The following KCNQ1OT1 variants were observed in gnomAD, a reference collection of about 807,000 sequenced individuals.
KCNQ1OT1 encodes the protein KCNQ1 opposite strand/antisense transcript 1, also known as KCNQ1 antisense RNA 2 (non-protein coding).
chr11:2,622,511 G>T (rs1849191116), exon 1 of KCNQ1OT1: 1 of 398,366 alleles, frequency 2.5e-6, no homozygotes, highest in Middle Eastern at 6.3e-4. Context: ...GCCAACCTCT[G>T]CTTTTTGGAG....
exon 1 of KCNQ1OT1, chr11:2,649,481 A>T (rs1402016399): frequency 5.0e-6 from 2 of 398,446 alleles, no homozygotes; most frequent in Admixed American, 8.8e-5. Context: ...GTAGTAATGA[A>T]TTCCCTCAGT....
exon 1 of KCNQ1OT1, chr11:2,639,773 C>G (rs922051635): frequency 6.6e-6 from 1 of 152,422 alleles, no homozygotes; most frequent in Non-Finnish European, 1.5e-5. Context: ...GCAGAGGTTT[C>G]TGCTGCCTTT....
exon 1 of KCNQ1OT1, chr11:2,614,171 C>A: frequency 5.0e-6 from 2 of 398,536 alleles, no homozygotes; most frequent in Non-Finnish European, 8.8e-6. Context: ...GAATCTACCC[C>A]CAAGAGGTGA....
exon 1 of KCNQ1OT1, chr11:2,689,877 C>T: frequency 5.0e-6 from 2 of 398,816 alleles, no homozygotes; most frequent in Non-Finnish European, 8.8e-6. Context: ...GCCTATCCAG[C>T]CCCATCCCTG....
At chr11:2,686,906 C>T in exon 1 of KCNQ1OT1, 1 of 398,688 alleles carries the variant, frequency 2.5e-6, no homozygotes, top group Non-Finnish European at 4.4e-6. Flanking sequence ...TAGAGGCAAC[C>T]CAATCCAGGT....
rs1849686400 is a variant in KCNQ1OT1, at chr11:2,647,623, A to C, written n.52372T>G. The stretch of plus-strand genomic sequence containing the variant: ...TAGAATTCAGTAGAAAACCCGTGCA[A>C]TCCTGAGGTTTTCTTTACTGGGAGA... On this transcript the variant is annotated non_coding_transcript_exon_variant, in exon 1 of 1. Coordinates refer to ENST00000597346, the Ensembl canonical transcript of KCNQ1OT1. This position sits in a 1 kb window ranked among gnomAD's most constrained non-coding sequence, Gnocchi z 4.0. 5.0e-6 allele frequency: 2 copies of C among 398,376 alleles called. No individual in the cohort carries two copies. The highest frequency in any genetic ancestry group is 8.8e-6 in the Non-Finnish European group (2 of 226,036). 24.7% of individuals were successfully genotyped at this position (398,376 alleles called of 1,614,324 possible). A position where few individuals can be genotyped will look rare whatever the true frequency, so the allele number is the denominator to read the frequency against.
chr11:2,640,861 CCTT>C, exon 1 of KCNQ1OT1: 1 of 399,594 alleles, frequency 2.5e-6, no homozygotes, highest in South Asian at 1.3e-4. Flanking sequence ...TGGTATCTAT[CCTT>C]CTACTCTCTA....
chr11:2,633,015 C>T, exon 1 of KCNQ1OT1: 1 of 398,488 alleles, frequency 2.5e-6, no homozygotes. Context: ...TAATGACTCA[C>T]TAATTTATAG....
exon 1 of KCNQ1OT1, chr11:2,688,263 G>T: frequency 2.5e-6 from 1 of 398,686 alleles, no homozygotes; most frequent in South Asian, 1.3e-4. Flanking sequence ...AGAGGGAGGC[G>T]CCATGACCTC....
chr11:2,642,136 T>G lies in KCNQ1OT1; in HGVS notation n.57859A>C. 2.5e-6 allele frequency: 1 copy of G among 398,440 alleles called. No homozygotes were observed. The highest frequency in any genetic ancestry group is 3.6e-5 in the East Asian group (1 of 28,038). The allele number at this position is 398,440 out of a possible 1,614,324, so 24.7% of individuals were successfully genotyped here. On this transcript the variant is annotated non_coding_transcript_exon_variant, in exon 1 of 1. Coordinates refer to ENST00000597346, the Ensembl canonical transcript of KCNQ1OT1. The surrounding 1 kb of genome is among the most constrained non-coding windows in gnomAD (Gnocchi z 4.3). ...TTTGGTTCCATCTGAATTTTAGGATTTTTTCTATTTCCATGAAAAATGGCA... is the reference window on the plus strand; with the variant it reads ...TTTGGTTCCATCTGAATTTTAGGATGTTTTCTATTTCCATGAAAAATGGCA...
At chr11:2,637,202 G>A (rs1389435491) in exon 1 of KCNQ1OT1, 2 of 151,982 alleles carry the variant, frequency 1.3e-5, no homozygotes, top group Non-Finnish European at 2.9e-5. Context: ...TCTGATCTTA[G>A]TTATTTCTTG....
exon 1 of KCNQ1OT1, chr11:2,643,108 G>T (rs1849605361): frequency 5.0e-6 from 2 of 398,052 alleles, no homozygotes; most frequent in Non-Finnish European, 8.9e-6. Context: ...AGTGTTCCAT[G>T]TACTGATGAG....
exon 1 of KCNQ1OT1, chr11:2,614,022 T>C: frequency 2.5e-6 from 1 of 398,646 alleles, no homozygotes; most frequent in Non-Finnish European, 4.4e-6. Flanking sequence ...AGTTGCATAG[T>C]ATTCCTTAGT....
In KCNQ1OT1 at chr11:2,678,116, T is replaced by C. The variant is rs1850325416; in HGVS notation, n.21879A>G. 5.0e-6 allele frequency: 2 copies of C among 398,312 alleles called. No individual in the cohort carries two copies. The highest frequency in any genetic ancestry group is 8.9e-6 in the Non-Finnish European group (2 of 225,976). 24.7% of individuals were successfully genotyped at this position (398,312 alleles called of 1,614,324 possible). ...GTAGAAACTTGCTTTGTCATATTCA[T>C]TGAAAATATTTTATCCTCATTTTCC... On this transcript the variant is annotated non_coding_transcript_exon_variant, in exon 1 of 1. Transcript: ENST00000597346. The surrounding 1 kb of genome is among the most constrained non-coding windows in gnomAD (Gnocchi z 4.9).
Position 2,645,966 on chromosome 11 carries a change from T to C in KCNQ1OT1, n.54029A>G, listed in dbSNP as rs1849659501. ...AAGGCATCTATGGGTCAGGGGGTTC[T>C]CTGACTAGGATTTCAGGAGTCTGCT... On this transcript the variant is annotated non_coding_transcript_exon_variant, in exon 1 of 1. Transcript: ENST00000597346. This position sits in a 1 kb window ranked among gnomAD's most constrained non-coding sequence, Gnocchi z 5.8. The C allele has an allele frequency of 5.0e-6, 2 of 398,534 alleles. No individual in the cohort carries two copies. Among genetic ancestry groups the C allele is most frequent in the Non-Finnish European group, 8.8e-6 (2 of 226,102 alleles). 24.7% of individuals were successfully genotyped at this position (398,534 alleles called of 1,614,324 possible).
Position 2,679,883 on chromosome 11 carries a change from C to A in KCNQ1OT1, n.20112G>T. On this transcript the variant is annotated non_coding_transcript_exon_variant, in exon 1 of 1. Coordinates refer to ENST00000597346, the Ensembl canonical transcript of KCNQ1OT1. The surrounding 1 kb of genome is among the most constrained non-coding windows in gnomAD (Gnocchi z 4.8). ...TCATATAAACTTAGAACTAGCACGC[C>A]TAATTTTTTTTTTATTTTTATTTTT... 2.5e-6 allele frequency: 1 copy of A among 398,044 alleles called. No individual in the cohort carries two copies. The allele number at this position is 398,044 out of a possible 1,614,324, so 24.7% of individuals were successfully genotyped here.
In KCNQ1OT1 at chr11:2,676,083, G is replaced by A. The variant is rs987695329; in HGVS notation, n.23912C>T. On this transcript the variant is annotated non_coding_transcript_exon_variant, in exon 1 of 1. Coordinates refer to ENST00000597346, the Ensembl canonical transcript of KCNQ1OT1. This position sits in a 1 kb window ranked among gnomAD's most constrained non-coding sequence, Gnocchi z 4.2. ...ACGTATTTTATATAAACAAATATACGTGTGTCTGTGTGTGCATGTACTTAG... is the reference window on the plus strand; with the variant it reads ...ACGTATTTTATATAAACAAATATACATGTGTCTGTGTGTGCATGTACTTAG... The A allele has an allele frequency of 2.0e-5, 8 of 398,406 alleles. No individual in the cohort carries two copies. The highest frequency in any genetic ancestry group is 8.2e-5 in the African/African-American group (4 of 48,590). 24.7% of individuals were successfully genotyped at this position (398,406 alleles called of 1,614,324 possible).
Position 2,695,734 on chromosome 11 carries a change from G to A in KCNQ1OT1, n.4261C>T, listed in dbSNP as rs1010539824. The A allele has an allele frequency of 7.5e-6, 3 of 398,516 alleles. No individual in the cohort carries two copies. The highest frequency in any genetic ancestry group is 4.1e-5 in the African/African-American group (2 of 48,634). The allele number at this position is 398,516 out of a possible 1,614,324, so 24.7% of individuals were successfully genotyped here. A position where few individuals can be genotyped will look rare whatever the true frequency, so the allele number is the denominator to read the frequency against. ...CGTCCCCACCTGCAGCACACAGGGAGGCTTGTTCCTTGCCTTCTGCCAACA... is the reference window on the plus strand; with the variant it reads ...CGTCCCCACCTGCAGCACACAGGGAAGCTTGTTCCTTGCCTTCTGCCAACA... On this transcript the variant is annotated non_coding_transcript_exon_variant, in exon 1 of 1. Transcript: ENST00000597346. This position sits in a 1 kb window ranked among gnomAD's most constrained non-coding sequence, Gnocchi z 5.2.
exon 1 of KCNQ1OT1, chr11:2,680,550 A>G (rs1444366236): frequency 5.0e-6 from 2 of 398,468 alleles, no homozygotes. Flanking sequence ...GTTCTAAGAA[A>G]CAACACAGAG....
Sources: gnomAD v4.1 joint callset for allele counts on GRCh38, gnomAD v4.1.1 for gene constraint, Gnocchi (gnomAD v3.1) non-coding constraint, MANE v1.5 for transcripts, NCBI Gene and HGNC (gene_info 2026-07-23, HGNC 2026-07-21) for gene names.